Variants in SOS1 observed in about 807,000 individuals in gnomAD.
The protein encoded by SOS1 is son of sevenless homolog 1.
SOS1 carries 25 observed loss-of-function variants against 157.6 expected under a neutral mutation model. That is an observed-to-expected ratio of 0.16 (90% CI 0.12 to 0.22). The LOEUF (loss-of-function observed/expected upper bound fraction) is 0.22, where lower values mean the gene tolerates loss of function less well. SOS1 is among the 10% of genes least tolerant of loss of function. SOS1 has a pLI of 1.00. For synonymous variants in SOS1, 528 were observed against 534.0 expected (o/e 0.99, Z 0.16); for missense variants, 1,237 against 1,599.1 (o/e 0.77, Z 3.86).
intron 1 of SOS1, among the ~76,000 whole-genome samples, chr2:39,111,253 A>G (rs1213638063): frequency 6.6e-6 from 1 of 152,312 alleles, no homozygotes; most frequent in East Asian, 1.9e-4. Context: ...AATAATAATA[A>G]GATGGATTCA....
chr2:39,080,246 C>T lies in SOS1; in HGVS notation c.88-12493G>A, dbSNP rs572537734. Among the ~76,000 whole-genome samples the T allele has an allele frequency of 5.3e-5, 8 of 152,040 alleles. No individual in the cohort carries two copies. In the East Asian group the frequency reaches 1.5e-3, roughly 29 times the overall value. On this transcript the variant is annotated intron_variant, in intron 1 of 22. Coordinates refer to ENST00000402219, the MANE Select transcript of SOS1 (RefSeq NM_005633.4). ...TAGATTCTCATAAGGAGTACGCAAC[C>T]TAGATGCCTCACATGCACAGTTCAC...
chr2:39,028,701 A>AC (rs1162403412), intron 8 of SOS1, among the ~76,000 whole-genome samples: 4 of 152,242 alleles, frequency 2.6e-5, no homozygotes, highest in Non-Finnish European at 5.9e-5. Context: ...GAACAGGTAA[A>AC]TTGCAATGCA....
intron 10 of SOS1, among the ~76,000 whole-genome samples, chr2:39,015,626 G>A (rs986291460): frequency 6.6e-5 from 10 of 151,708 alleles, no homozygotes; most frequent in East Asian, 1.9e-4. Context: ...ACCTACTCCC[G>A]TCTCTCCTTA....
chr2:39,024,450 T>TA (rs1669893523), intron 8 of SOS1, among the ~76,000 whole-genome samples: 1 of 151,924 alleles, frequency 6.6e-6, no homozygotes, highest in Non-Finnish European at 1.5e-5. Flanking sequence ...TGAATTATCA[T>TA]AGAGTTAGCA....
At chr2:39,077,380 G>A (rs968683740) in intron 1 of SOS1, among the ~76,000 whole-genome samples, 7 of 151,288 alleles carry the variant, frequency 4.6e-5, no homozygotes, top group Non-Finnish European at 8.8e-5. Context: ...TTTAATGAAT[G>A]ACATTTAGAA....
At position 39,058,814 on chromosome 2, in the gene SOS1, T is replaced by A; in HGVS notation, c.214-10A>T. 1 of 1,609,636 alleles carries A rather than the reference T, an allele frequency of 6.2e-7. No individual in the cohort carries two copies. Among genetic ancestry groups the A allele is most frequent in the Non-Finnish European group, 8.5e-7 (1 of 1,176,726 alleles). On this transcript the variant is annotated splice_polypyrimidine_tract_variant and intron_variant, in intron 2 of 22. Transcript: ENST00000402219. ...TTTTTTGAACACGTTCCTTGGAAAA[T>A]AGGAAAATAACAACTAAGCAAAAAA...
intron 9 of SOS1, 136 bp downstream of exon 9, chr2:39,023,874 T>C (rs1669876525): frequency 1.5e-6 from 1 of 664,338 alleles, no homozygotes; most frequent in Non-Finnish European, 2.6e-6. Context: ...GGCTTTGATG[T>C]CACTTCCTCT....
rs1445719629 is a variant in SOS1 at position 39,067,641 on chromosome 2, G to A, written c.200C>T (p.Ala67Val). ...NMLCQAQPRS[A>V]SDVEERVQKS... ...CATTTGTCATACCTCTACATCTGAA[G>A]CACTTCGGGGCTGAGCTTGGCATAG... The change falls in exon 2 of 23, where the codon GCT becomes GTT. Residue 67 changes from alanine (A) to valine (V), a missense_variant. Ala to Val is a moderately conservative substitution (Grantham distance 64). Coordinates refer to ENST00000402219, the MANE Select transcript of SOS1 (RefSeq NM_005633.4). 2 of 1,613,274 alleles carry A rather than the reference G, an allele frequency of 1.2e-6. No individual in the cohort carries two copies.
At chr2:39,124,651 C>A (rs1674012278), upstream of SOS1, among the ~76,000 whole-genome samples, 1 of 152,270 alleles carries the variant, frequency 6.6e-6, no homozygotes, top group Non-Finnish European at 1.5e-5. Context: ...GAACTTCGGA[C>A]CCAGCTACTT....
Position 39,056,801 on chromosome 2 carries a change from A to G in SOS1, c.411T>C (p.Ile137=), listed in dbSNP as rs762942788. The G allele has an allele frequency of 6.2e-7, 1 of 1,601,982 alleles. No individual in the cohort carries two copies. The highest frequency in any genetic ancestry group is 1.1e-5 in the South Asian group (1 of 90,846). ...SVYIVAVLEY[I]SADILKLVGN... Reference sequence around the variant, plus strand: ...CAACCAGCTTTAAAATGTCTGCAGAAATGTATTCTAAGACTGCTACTATGT... The same window carrying G: ...CAACCAGCTTTAAAATGTCTGCAGAGATGTATTCTAAGACTGCTACTATGT... The change falls in exon 4 of 23, where the codon ATT becomes ATC. Residue 137 remains isoleucine, a synonymous_variant. Coordinates refer to ENST00000402219, the MANE Select transcript of SOS1 (RefSeq NM_005633.4).
chr2:39,093,696 G>C (rs297144), intron 1 of SOS1, among the ~76,000 whole-genome samples: 122,114 of 152,164 alleles, frequency 0.8, 51,077 homozygotes, highest in Non-Finnish European at 0.92. Flanking sequence ...AGCCAGCAGA[G>C]CTGGAGATGA....
Position 38,993,640 on chromosome 2 carries a change from G to C in SOS1, c.3346+1483C>G, listed in dbSNP as rs565203109. On this transcript the variant is annotated intron_variant, in intron 20 of 22. Coordinates refer to ENST00000402219, the MANE Select transcript of SOS1 (RefSeq NM_005633.4). ...TCCAACTGAGAGAATCTTAAAAATC[G>C]AATTTGACCCCCAGAAGGCACAGAA... is the stretch of plus-strand genomic sequence containing the variant. 12 of 152,156 alleles carry C rather than the reference G, an allele frequency of 7.9e-5. No individual in the cohort carries two copies. The East Asian group carries it at 2.3e-3, about 29-fold the overall frequency. The allele number at this position is 152,156 out of a possible 1,614,324, so 9.4% of individuals were successfully genotyped here.
chr2:39,121,529 T>C (rs1285021839), upstream of SOS1, among the ~76,000 whole-genome samples: 2 of 152,230 alleles, frequency 1.3e-5, no homozygotes, highest in Non-Finnish European at 2.9e-5. Flanking sequence ...AATGTGTACG[T>C]GTAGTATTGA....
intron 3 of SOS1, among the ~76,000 whole-genome samples, chr2:39,058,074 G>A (rs1671273032): frequency 6.6e-6 from 1 of 152,062 alleles, no homozygotes; most frequent in East Asian, 1.9e-4. Flanking sequence ...TGGCATCTAA[G>A]TTTTTAATTA....
intron 1 of SOS1, among the ~76,000 whole-genome samples, chr2:39,089,908 T>C (rs573631013): frequency 6.6e-6 from 1 of 151,040 alleles, no homozygotes; most frequent in East Asian, 1.9e-4. Flanking sequence ...AGGTGGATCA[T>C]TTGAGGTTAG....
intron 8 of SOS1, among the ~76,000 whole-genome samples, chr2:39,033,115 G>A (rs1220632350): frequency 6.8e-6 from 1 of 146,646 alleles, no homozygotes; most frequent in Non-Finnish European, 1.5e-5. Context: ...TTTTTGCCCA[G>A]GCTGAAGTGC....
chr2:39,090,791 A>G (rs1180989347), intron 1 of SOS1, among the ~76,000 whole-genome samples: 1 of 152,198 alleles, frequency 6.6e-6, no homozygotes, highest in Non-Finnish European at 1.5e-5. Flanking sequence ...TTTCAAACTT[A>G]AATCACCTAG....
At chr2:39,046,830 T>C (rs1373647451) in intron 6 of SOS1, among the ~76,000 whole-genome samples, 1 of 152,198 alleles carries the variant, frequency 6.6e-6, no homozygotes, top group African/African-American at 2.4e-5. Context: ...CCATTAGTTC[T>C]TATATTTCTT....
chr2:39,112,118 C>A (rs1480234099), intron 1 of SOS1, among the ~76,000 whole-genome samples: 1 of 152,090 alleles, frequency 6.6e-6, no homozygotes, highest in Non-Finnish European at 1.5e-5. Flanking sequence ...AATTTTTCTT[C>A]CAATCCATTA....
Sources: allele counts gnomAD v4.1 joint callset (sites outside exome capture counted in the v4.1 genomes callset), GRCh38; gene constraint gnomAD v4.1.1; transcripts MANE v1.5; gene names NCBI Gene and HGNC (gene_info 2026-07-23, HGNC 2026-07-21).